Variants in WWOX observed in about 807,000 individuals in gnomAD.
WWOX encodes WW domain-containing oxidoreductase.
WWOX carries 69 observed loss-of-function variants against 46.2 expected under a neutral mutation model. The observed-to-expected ratio is 1.49, with a 90% CI of 1.23 to 1.82. WWOX has a LOEUF of 1.82. WWOX is among the 40% of genes most tolerant of loss of function. The probability of loss-of-function intolerance (pLI) is 0.00; values close to 1 mark genes in which losing one functional copy is unlikely to be tolerated. For missense variants in WWOX, 919 were observed against 542.6 expected, an observed-to-expected ratio of 1.69 and a Z score of -6.89; for synonymous variants, 359 against 202.6, an observed-to-expected ratio of 1.77 and a Z score of -6.56.
chr16:78,550,290 T>G lies in WWOX; in HGVS notation c.1056+117538T>G, dbSNP rs2044143251. Among the ~76,000 whole-genome samples the G allele has an allele frequency of 5.3e-5, 8 of 152,354 alleles. No homozygotes were observed. In the South Asian group the frequency reaches 1.4e-3, roughly 28 times the overall value. Reference sequence around the variant, plus strand: ...AGTCTAGAACAGCATCTGCAAACTTTGCAAAGGTTCACATGATAAATATTT... The same window carrying G: ...AGTCTAGAACAGCATCTGCAAACTTGGCAAAGGTTCACATGATAAATATTT... On this transcript the variant is annotated intron_variant, in intron 8 of 8. Coordinates refer to ENST00000566780, the MANE Select transcript of WWOX (RefSeq NM_016373.4).
At chr16:78,196,516 C>G (rs573669297) in intron 5 of WWOX, among the ~76,000 whole-genome samples, 64 of 152,272 alleles carry the variant, frequency 4.2e-4, no homozygotes, top group African/African-American at 1.3e-3. Flanking sequence ...AATTACCCAC[C>G]TAGCCTCTTA....
chr16:78,958,116 G>T (rs1051321119), intron 8 of WWOX, among the ~76,000 whole-genome samples: 2 of 152,068 alleles, frequency 1.3e-5, no homozygotes, highest in African/African-American at 4.8e-5. Context: ...TATATTATTT[G>T]GTCCTATTGT....
At chr16:78,148,510 T>C (rs531702274) in intron 4 of WWOX, among the ~76,000 whole-genome samples, 1 of 146,750 alleles carries the variant, frequency 6.8e-6, no homozygotes, top group South Asian at 2.1e-4. Flanking sequence ...AAAAGCTCCA[T>C]TACATTTTTT....
chr16:78,733,911 A>G (rs188995417), intron 8 of WWOX, among the ~76,000 whole-genome samples: 3 of 151,990 alleles, frequency 2.0e-5, no homozygotes, highest in Admixed American at 2.0e-4. Context: ...ACAAAAAATA[A>G]AACAGCTAGG....
intron 8 of WWOX, among the ~76,000 whole-genome samples, chr16:78,956,385 C>A (rs2046167224): frequency 6.6e-6 from 1 of 152,076 alleles, no homozygotes; most frequent in African/African-American, 2.4e-5. Context: ...TAACTCCTGA[C>A]CTCAAGTGAT....
intron 8 of WWOX, among the ~76,000 whole-genome samples, chr16:79,169,488 A>T (rs1418389974): frequency 6.6e-6 from 1 of 152,198 alleles, no homozygotes; most frequent in African/African-American, 2.4e-5. Context: ...TGGGCCTGTA[A>T]GCCTTTTTTG....
chr16:79,081,781 C>A (rs371562318), intron 8 of WWOX, among the ~76,000 whole-genome samples: 2 of 152,206 alleles, frequency 1.3e-5, no homozygotes, highest in African/African-American at 4.8e-5. Context: ...GATGCTCCTG[C>A]CTGGCTGCCT....
At chr16:78,914,140 C>G (rs1235480721) in intron 8 of WWOX, among the ~76,000 whole-genome samples, 1 of 152,070 alleles carries the variant, frequency 6.6e-6, no homozygotes, top group Non-Finnish European at 1.5e-5. Context: ...CTATCCTGTC[C>G]AAAGTCACTA....
At chr16:78,448,660 G>A (rs1179599222) in intron 8 of WWOX, among the ~76,000 whole-genome samples, 2 of 152,098 alleles carry the variant, frequency 1.3e-5, no homozygotes, top group African/African-American at 2.4e-5. Flanking sequence ...ACTAATGAGG[G>A]GTGAGGAAGT....
rs1343141954 is a variant in WWOX at position 78,488,090 on chromosome 16, G to C, written c.1056+55338G>C. Among the ~76,000 whole-genome samples the C allele has an allele frequency of 2.6e-5, 4 of 152,282 alleles. 1 individual carries two copies. Among genetic ancestry groups the C allele is most frequent in the African/African-American group, 9.6e-5 (4 of 41,550 alleles). On this transcript the variant is annotated intron_variant, in intron 8 of 8. Transcript: ENST00000566780. ...GTTCCAGCCTATTTTCTGAGCTGTGGAGCAGGGAGGGATCTCACAGGAAAC... is the reference window on the plus strand; with the variant it reads ...GTTCCAGCCTATTTTCTGAGCTGTGCAGCAGGGAGGGATCTCACAGGAAAC...
At chr16:78,557,347 T>C (rs1406863898) in intron 8 of WWOX, among the ~76,000 whole-genome samples, 2 of 152,182 alleles carry the variant, frequency 1.3e-5, no homozygotes, top group East Asian at 3.9e-4. Context: ...ATATTATTTC[T>C]CCGCCCCCCG....
chr16:78,205,621 C>G (rs1188402858), intron 5 of WWOX, among the ~76,000 whole-genome samples: 1 of 151,910 alleles, frequency 6.6e-6, no homozygotes, highest in Non-Finnish European at 1.5e-5. Context: ...ATCTGCCTTT[C>G]CAATTATCCA....
At chr16:78,959,535 C>G (rs192155282) in intron 8 of WWOX, among the ~76,000 whole-genome samples, 1 of 152,302 alleles carries the variant, frequency 6.6e-6, no homozygotes, top group East Asian at 1.9e-4. Flanking sequence ...ACCTGTTCAT[C>G]CATTCATCTG....
chr16:79,192,771 T>C (rs1030523270), intron 8 of WWOX, among the ~76,000 whole-genome samples: 5 of 152,230 alleles, frequency 3.3e-5, no homozygotes, highest in African/African-American at 7.2e-5. Context: ...GAACGTGAAC[T>C]TCAGAGCCCA....
At chr16:78,505,581 C>G (rs2085177486) in intron 8 of WWOX, among the ~76,000 whole-genome samples, 1 of 152,172 alleles carries the variant, frequency 6.6e-6, no homozygotes, top group Non-Finnish European at 1.5e-5. Context: ...GCCCAGTGCC[C>G]TACCTCTTGG....
intron 5 of WWOX, among the ~76,000 whole-genome samples, chr16:78,231,110 T>A (rs1286474799): frequency 6.6e-6 from 1 of 152,234 alleles, no homozygotes; most frequent in Non-Finnish European, 1.5e-5. Flanking sequence ...ATCACCCAAC[T>A]GTTCTCTTTG....
At chr16:78,614,962 C>A (rs1207086535) in intron 8 of WWOX, among the ~76,000 whole-genome samples, 4 of 152,122 alleles carry the variant, frequency 2.6e-5, no homozygotes, top group African/African-American at 7.2e-5. Context: ...TCAGTTGATA[C>A]ATGTTTAATC....
intron 8 of WWOX, among the ~76,000 whole-genome samples, chr16:78,952,954 G>A (rs1271512200): frequency 6.6e-6 from 1 of 152,074 alleles, no homozygotes; most frequent in Non-Finnish European, 1.5e-5. Flanking sequence ...GGCCAGCAAA[G>A]GCTTCAGCAA....
chr16:78,526,161 GA>G (rs1555554757), intron 8 of WWOX: 1 of 152,196 alleles, frequency 6.6e-6, no homozygotes, highest in Non-Finnish European at 1.5e-5. Context: ...AGATCCCGAG[GA>G]AGGGCTTCAG....
Sources: allele counts gnomAD v4.1 joint callset (sites outside exome capture counted in the v4.1 genomes callset), GRCh38; gene constraint gnomAD v4.1.1; transcripts MANE v1.5; gene names NCBI Gene and HGNC (gene_info 2026-07-23, HGNC 2026-07-21).